The following LYN variants were observed in gnomAD, a reference collection of about 807,000 sequenced individuals.
LYN encodes the protein LYN proto-oncogene, Src family tyrosine kinase.
Under a neutral mutation model 65.0 loss-of-function variants are expected in LYN, and 12 were observed. That is an observed-to-expected ratio of 0.18 (90% confidence interval 0.12 to 0.30). The LOEUF is 0.30. LYN is among the 10% of genes least tolerant of loss of function. The pLI, the probability that LYN is intolerant of heterozygous loss-of-function variation, is 1.00. For synonymous variants in LYN, 222 were observed against 221.2 expected, an observed-to-expected ratio of 1.00 and a Z score of -0.03; for missense variants, 380 against 623.2, an observed-to-expected ratio of 0.61 and a Z score of 4.16.
At chr8:55,966,653 C>A in intron 8 of LYN, 62 bp from the exon 9 acceptor site, 1 of 1,481,948 alleles carries the variant, frequency 6.7e-7, no homozygotes, top group Non-Finnish European at 9.3e-7. Context: ...TAGGTGTGAG[C>A]CACCTCCCCC....
chr8:55,879,839 C>T lies in LYN; in HGVS notation c.-270C>T. ...CGGCCGAGCCCAGAGACAGCCAGTT[C>T]CTCTCCCGCCGCGCCGGGCCGCGCT... On this transcript the variant is annotated 5_prime_UTR_variant, in exon 1 of 13. Transcript: ENST00000519728. The T allele has an allele frequency of 5.5e-6, 1 of 183,408 alleles. No homozygotes were observed. Among genetic ancestry groups the T allele is most frequent in the Non-Finnish European group, 1.1e-5 (1 of 87,598 alleles). 11.4% of individuals were successfully genotyped at this position (183,408 alleles called of 1,614,324 possible).
chr8:55,978,280 G>A (rs1387536896), intron 10 of LYN, among the ~76,000 whole-genome samples: 2 of 152,218 alleles, frequency 1.3e-5, no homozygotes, highest in African/African-American at 4.8e-5. Flanking sequence ...ATTAGAAGGG[G>A]TGAAAGCTAG....
At chr8:55,982,320 T>C (rs1046725874) in intron 10 of LYN, among the ~76,000 whole-genome samples, 3 of 152,264 alleles carry the variant, frequency 2.0e-5, no homozygotes, top group African/African-American at 7.2e-5. Context: ...TTTTTTTTAA[T>C]CCTCAGATTT....
rs752411201 is a variant in LYN at position 55,966,845 on chromosome 8, T to C, written c.921T>C (p.Ala307=). The C allele has an allele frequency of 2.5e-6, 4 of 1,614,076 alleles. No individual in the cohort carries two copies. The highest frequency in any genetic ancestry group is 3.4e-6 in the Non-Finnish European group (4 of 1,179,978). Reference sequence around the variant, plus strand: ...ATGACAAGCTCGTGAGGCTCTACGCTGTGGTCACCAGGGAGGAGCCCATTT... The same window carrying C: ...ATGACAAGCTCGTGAGGCTCTACGCCGTGGTCACCAGGGAGGAGCCCATTT... ...LQHDKLVRLY[A]VVTREEPIYI... The change falls in exon 9 of 13, where the codon GCT becomes GCC. Residue 307 remains alanine, a synonymous_variant. Transcript: ENST00000519728.
intron 2 of LYN, among the ~76,000 whole-genome samples, chr8:55,945,717 T>C (rs1427866060): frequency 6.6e-6 from 1 of 152,036 alleles, no homozygotes; most frequent in Non-Finnish European, 1.5e-5. Flanking sequence ...CACCAAATCC[T>C]TCCCAATAAC....
intron 12 of LYN, among the ~76,000 whole-genome samples, chr8:56,001,830 G>C (rs1808520738): frequency 6.6e-6 from 1 of 152,104 alleles, no homozygotes; most frequent in South Asian, 2.1e-4. Flanking sequence ...TGCATGTGAT[G>C]TGCTACCATG....
At chr8:55,922,022 G>A (rs908995487) in intron 1 of LYN, among the ~76,000 whole-genome samples, 3 of 152,168 alleles carry the variant, frequency 2.0e-5, no homozygotes, top group Non-Finnish European at 2.9e-5. Flanking sequence ...ACATTCTTCC[G>A]TGGGTGCTGT....
chr8:55,895,623 C>G (rs1417975620), intron 1 of LYN: 2 of 151,916 alleles, frequency 1.3e-5, no homozygotes, highest in African/African-American at 4.8e-5. Flanking sequence ...GACCTCATCT[C>G]TACAATTTTT....
In LYN at chr8:55,921,338, C is replaced by T. The variant is rs183064618; in HGVS notation, c.-5-20517C>T. 2.9e-3 allele frequency among the ~76,000 whole-genome samples: 437 copies of T among 152,218 alleles called. 4 individuals are homozygous for T. Among genetic ancestry groups the T allele is most frequent in the African/African-American group, 8.5e-3 (354 of 41,528 alleles). On this transcript the variant is annotated intron_variant, in intron 1 of 12. Transcript: ENST00000519728. The stretch of plus-strand genomic sequence containing the variant: ...TTGAAGCAAGTTGTCTGCAAAGAAG[C>T]GGGATAGACAGGGTCTGTCCTCAAG...
chr8:55,901,954 T>A (rs1307217950), intron 1 of LYN, among the ~76,000 whole-genome samples: 4 of 152,130 alleles, frequency 2.6e-5, no homozygotes, highest in Non-Finnish European at 4.4e-5. Context: ...AGGATCTGGT[T>A]GCAGAAACCA....
chr8:55,947,833 T>A, intron 4 of LYN, 110 bp downstream of exon 4: 1 of 735,640 alleles, frequency 1.4e-6, no homozygotes, highest in Non-Finnish European at 2.4e-6. Flanking sequence ...GGCCCCTTTC[T>A]TGTAATGGGT....
chr8:56,001,642 A>G (rs1808515394), intron 12 of LYN, among the ~76,000 whole-genome samples: 1 of 152,196 alleles, frequency 6.6e-6, no homozygotes, highest in Non-Finnish European at 1.5e-5. Flanking sequence ...AAAATAGGAA[A>G]AATATTTCTA....
At chr8:55,944,828 A>G (rs905937649) in intron 2 of LYN, among the ~76,000 whole-genome samples, 1 of 152,210 alleles carries the variant, frequency 6.6e-6, no homozygotes, top group Non-Finnish European at 1.5e-5. Flanking sequence ...TATTCAGAAA[A>G]GTCAAGGAGA....
intron 12 of LYN, among the ~76,000 whole-genome samples, chr8:56,008,119 A>AAAAAAAAAAT (rs1288604887): frequency 8.5e-6 from 1 of 118,140 alleles, no homozygotes; most frequent in Non-Finnish European, 1.7e-5. Context: ...ACTCTGCCTC[A>AAAAAAAAAAT]AAAAAAAAAT....
chr8:55,923,289 T>G (rs982012434), intron 1 of LYN, among the ~76,000 whole-genome samples: 1 of 152,174 alleles, frequency 6.6e-6, no homozygotes, highest in African/African-American at 2.4e-5. Context: ...ATGTGAGAGA[T>G]AAAGCAGGTG....
chr8:55,898,830 T>G (rs2130377386), intron 1 of LYN, among the ~76,000 whole-genome samples: 1 of 152,274 alleles, frequency 6.6e-6, no homozygotes, highest in African/African-American at 2.4e-5. Context: ...CTGGTTTTAA[T>G]GATTTCCTTT....
chr8:55,957,406 G>A (rs1319171137), intron 8 of LYN, among the ~76,000 whole-genome samples: 5 of 152,142 alleles, frequency 3.3e-5, no homozygotes, highest in East Asian at 1.9e-4. Context: ...AGGAATTAAC[G>A]TGTCTGTCAT....
intron 8 of LYN, among the ~76,000 whole-genome samples, chr8:55,964,794 A>G (rs1333891302): frequency 6.6e-6 from 1 of 152,228 alleles, no homozygotes; most frequent in Non-Finnish European, 1.5e-5. Context: ...GAGAAAGTAG[A>G]AGTCACTCCA....
intron 10 of LYN, among the ~76,000 whole-genome samples, chr8:55,973,115 G>C (rs985845210): frequency 6.6e-6 from 1 of 152,154 alleles, no homozygotes; most frequent in African/African-American, 2.4e-5. Flanking sequence ...CCCACCATCT[G>C]TATCTGGCCT....
Sources: allele counts gnomAD v4.1 joint callset (sites outside exome capture counted in the v4.1 genomes callset), GRCh38; gene constraint gnomAD v4.1.1; transcripts MANE v1.5; gene names NCBI Gene and HGNC (gene_info 2026-07-23, HGNC 2026-07-21).